ARHGEF2: variants seen among roughly 807,000 people sequenced by gnomAD.
The protein encoded by ARHGEF2 is rho guanine nucleotide exchange factor 2.
ARHGEF2 carries 22 observed loss-of-function variants against 121.0 expected under a neutral mutation model. That is an observed-to-expected ratio of 0.18 (90% CI 0.13 to 0.26). The LOEUF is 0.26. ARHGEF2 is among the 10% of genes least tolerant of loss of function. ARHGEF2 has a pLI of 1.00. For synonymous variants in ARHGEF2, 487 were observed against 530.0 expected, an observed-to-expected ratio of 0.92 and a Z score of 1.11; for missense variants, 907 against 1,336.0, an observed-to-expected ratio of 0.68 and a Z score of 5.01.
chr1:155,960,973 TG>T (rs1488139223), intron 11 of ARHGEF2, among the ~76,000 whole-genome samples: 1 of 152,186 alleles, frequency 6.6e-6, no homozygotes, highest in Admixed American at 6.5e-5. Context: ...TCCCCTCCTC[TG>T]GGCCTCCTCT....
chr1:155,962,424 C>G lies in ARHGEF2; in HGVS notation c.1101+169G>C. On this transcript the variant is annotated intron_variant, in intron 9 of 21. Transcript: ENST00000361247. This position sits in a 1 kb window ranked among gnomAD's most constrained non-coding sequence, Gnocchi z 5.8. ...AAAAGTACTTGGGAAACTACCACAA[C>G]GTGCTCTAGCATTCTGAGGGGTTAC... is the stretch of plus-strand genomic sequence containing the variant. 1.8e-6 allele frequency: 2 copies of G among 1,116,234 alleles called. No homozygotes were observed. The highest frequency in any genetic ancestry group is 2.6e-6 in the Non-Finnish European group (2 of 775,576). 69.1% of individuals were successfully genotyped at this position (1,116,234 alleles called of 1,614,324 possible).
In ARHGEF2 at chr1:155,952,847, T is replaced by C. The variant is rs1462182160; in HGVS notation, c.1784-19A>G. ...AACTCCACTGCAGATAAGGAACAAG[T>C]GAGGACATGAGAGGACGTAGGGGTA... On this transcript the variant is annotated intron_variant, in intron 14 of 21. Coordinates refer to ENST00000361247, the MANE Select transcript of ARHGEF2 (RefSeq NM_001162383.2). 2 of 1,613,496 alleles carry C rather than the reference T, an allele frequency of 1.2e-6. No homozygotes were observed. The highest frequency in any genetic ancestry group is 2.2e-5 in the South Asian group (2 of 91,034).
chr1:155,974,669 G>A (rs1258690924), intron 1 of ARHGEF2, among the ~76,000 whole-genome samples: 1 of 152,132 alleles, frequency 6.6e-6, no homozygotes, highest in African/African-American at 2.4e-5. Context: ...ATAAATGCTT[G>A]CTTAGTGAAT....
At position 155,951,069 on chromosome 1, in the gene ARHGEF2, G is replaced by A; in HGVS notation, c.2463C>T (p.Cys821=). Reference sequence around the variant, plus strand: ...TTGCCCGTTCTTCACCTAGCCGCCGGCAGCGCCGTAGCTCCTCCTGCAGCA... The same window carrying A: ...TTGCCCGTTCTTCACCTAGCCGCCGACAGCGCCGTAGCTCCTCCTGCAGCA... The part of the protein sequence containing the change: ...HALLQEELRR[C]RRLGEERATE... The change falls in exon 20 of 22, where the codon TGC becomes TGT. Residue 821 remains cysteine, a synonymous_variant. Coordinates refer to ENST00000361247, the MANE Select transcript of ARHGEF2 (RefSeq NM_001162383.2). This position sits in a 1 kb window ranked among gnomAD's most constrained non-coding sequence, Gnocchi z 5.1. 1 of 1,600,096 alleles carries A rather than the reference G, an allele frequency of 6.2e-7. No homozygotes were observed. Among genetic ancestry groups the A allele is most frequent in the South Asian group, 1.1e-5 (1 of 89,874 alleles).
At chr1:155,963,221 C>G (rs1229384087) in intron 7 of ARHGEF2, 38 bp from the exon 8 acceptor site, 2 of 1,592,494 alleles carry the variant, frequency 1.3e-6, no homozygotes, top group South Asian at 2.2e-5. Context: ...TCTACCCTGG[C>G]TTGGCTAAAA....
chr1:155,974,887 T>C (rs1263712825), intron 1 of ARHGEF2, among the ~76,000 whole-genome samples: 2 of 151,864 alleles, frequency 1.3e-5, no homozygotes, highest in Non-Finnish European at 2.9e-5. Flanking sequence ...CAGGCATTTG[T>C]GCAAGTGAAC....
chr1:155,967,494 C>T (rs1468285671), intron 2 of ARHGEF2, among the ~76,000 whole-genome samples: 1 of 152,132 alleles, frequency 6.6e-6, no homozygotes, highest in Non-Finnish European at 1.5e-5. Flanking sequence ...GGCCTGAATC[C>T]AAAGGCCGTG....
Position 155,962,495 on chromosome 1 carries a change from C to G in ARHGEF2, c.1101+98G>C. The G allele has an allele frequency of 1.3e-6, 2 of 1,544,226 alleles. No homozygotes were observed. The highest frequency in any genetic ancestry group is 1.8e-6 in the Non-Finnish European group (2 of 1,137,178). ...GGATGGTCTGCACGGGTGGCGAATG[C>G]CTGACCTCCATGTGGGTGCAGCTCA... On this transcript the variant is annotated intron_variant, in intron 9 of 21. Transcript: ENST00000361247. The surrounding 1 kb of genome is among the most constrained non-coding windows in gnomAD (Gnocchi z 5.8).
At position 155,951,624 on chromosome 1, in the gene ARHGEF2, A is replaced by C; in HGVS notation, c.2209-91T>G. The C allele has an allele frequency of 1.2e-6, 2 of 1,606,006 alleles. No homozygotes were observed. The highest frequency in any genetic ancestry group is 1.7e-6 in the Non-Finnish European group (2 of 1,172,808). On this transcript the variant is annotated intron_variant, in intron 18 of 21. Transcript: ENST00000361247. This position sits in a 1 kb window ranked among gnomAD's most constrained non-coding sequence, Gnocchi z 5.1. ...CAAGGGTGGGTGTGGGGACAGTAGG[A>C]TCCGGAGACATACTTGAATGTAGAC... is the stretch of plus-strand genomic sequence containing the variant.
chr1:155,968,882 G>T (rs1572173114), intron 2 of ARHGEF2: 2 of 425,786 alleles, frequency 4.7e-6, no homozygotes, highest in Non-Finnish European at 8.5e-6. Context: ...GGGAGCAAGG[G>T]GGGTGCCTGG....
Position 155,969,032 on chromosome 1 carries a change from T to G in ARHGEF2, c.208+124A>C. 7 of 1,251,192 alleles carry G rather than the reference T, an allele frequency of 5.6e-6. No homozygotes were observed. In the East Asian group the frequency reaches 7.2e-5, roughly 13 times the overall value. The allele number at this position is 1,251,192 out of a possible 1,614,324, so 77.5% of individuals were successfully genotyped here. ...AGGGATCAAGCAACTGGCCCTGGCA[T>G]TTGGGCCCAGCTGGGGATCAGAGAG... On this transcript the variant is annotated intron_variant, in intron 2 of 21. Coordinates refer to ENST00000361247, the MANE Select transcript of ARHGEF2 (RefSeq NM_001162383.2).
At chr1:155,959,690 G>C (rs370751093) in intron 11 of ARHGEF2, among the ~76,000 whole-genome samples, 34 of 152,140 alleles carry the variant, frequency 2.2e-4, no homozygotes, top group African/African-American at 8.0e-4. Context: ...GGCTACAGGT[G>C]AATGCTGCCA....
At chr1:155,958,212 G>T in intron 12 of ARHGEF2, 108 bp downstream of exon 12, 1 of 821,470 alleles carries the variant, frequency 1.2e-6, no homozygotes, top group Non-Finnish European at 2.0e-6. Context: ...AACAATTATA[G>T]CTGTTTGACT....
intron 1 of ARHGEF2, among the ~76,000 whole-genome samples, chr1:155,971,883 T>TAAAAAAA (rs58112413): frequency 7.1e-6 from 1 of 140,404 alleles, no homozygotes; most frequent in African/African-American, 2.6e-5. Context: ...CCCATCTCTA[T>TAAAAAAA]AAAAAAAAAA....
chr1:155,948,524 G>A (rs766222018), intron 21 of ARHGEF2, among the ~76,000 whole-genome samples: 8 of 152,044 alleles, frequency 5.3e-5, no homozygotes, highest in East Asian at 3.9e-4. Context: ...CCAGCTACTC[G>A]GGAGGCTGAG....
Position 155,947,705 on chromosome 1 carries a change from G to A in ARHGEF2, c.*237C>T. ...TAAATAAATTTTCCTAAAGTTGCGG[G>A]AAGAAGGCATGAACCACTGGCATCT... is the stretch of plus-strand genomic sequence containing the variant. On this transcript the variant is annotated 3_prime_UTR_variant, in exon 22 of 22. Coordinates refer to ENST00000361247, the MANE Select transcript of ARHGEF2 (RefSeq NM_001162383.2). 1 of 531,656 alleles carries A rather than the reference G, an allele frequency of 1.9e-6. No homozygotes were observed. The allele number at this position is 531,656 out of a possible 1,614,324, so 32.9% of individuals were successfully genotyped here. A position where few individuals can be genotyped will look rare whatever the true frequency, so the allele number is the denominator to read the frequency against.
Position 155,952,147 on chromosome 1 carries a change from G to A in ARHGEF2, c.2073C>T (p.Ser691=), listed in dbSNP as rs762316330. The A allele has an allele frequency of 2.6e-5, 42 of 1,613,976 alleles. No individual in the cohort carries two copies. Among genetic ancestry groups the A allele is most frequent in the Middle Eastern group, 1.6e-4 (1 of 6,084 alleles). ...TGACCCCAGGACTCGTGTTACCACCGCTGTCTGGTTCCAAGGGCAGGGCTG... is the reference window on the plus strand; with the variant it reads ...TGACCCCAGGACTCGTGTTACCACCACTGTCTGGTTCCAAGGGCAGGGCTG... ...REPALPLEPD[S]GGNTSPGVTA... is the part of the protein sequence containing the mutation. The change falls in exon 16 of 22, where the codon AGC becomes AGT. Residue 691 remains serine, a synonymous_variant. Transcript: ENST00000361247.
In ARHGEF2 at chr1:155,965,453, C is replaced by A. The variant is rs2297649; in HGVS notation, c.471-41G>T. The A allele has an allele frequency of 0.27, 434,461 of 1,603,486 alleles. 66,680 individuals carry two copies. The highest frequency in any genetic ancestry group is 0.78 in the East Asian group (35,017 of 44,760). ...GCTGTCTGCATCACCCCCAGTCGGG[C>A]AAAAGATCCCTTCCCAGGTAGGGAA... On this transcript the variant is annotated intron_variant, in intron 5 of 21. Coordinates refer to ENST00000361247, the MANE Select transcript of ARHGEF2 (RefSeq NM_001162383.2). The surrounding 1 kb of genome is among the most constrained non-coding windows in gnomAD (Gnocchi z 6.0).
At chr1:155,974,000 A>G (rs1459140918) in intron 1 of ARHGEF2, among the ~76,000 whole-genome samples, 1 of 151,708 alleles carries the variant, frequency 6.6e-6, no homozygotes, top group African/African-American at 2.4e-5. Flanking sequence ...AGCTTCTCCA[A>G]GCAAGCCCTA....
Sources: allele counts gnomAD v4.1 joint callset (sites outside exome capture counted in the v4.1 genomes callset), GRCh38; gene constraint gnomAD v4.1.1; non-coding constraint Gnocchi (gnomAD v3.1); transcripts MANE v1.5; gene names NCBI Gene and HGNC (gene_info 2026-07-23, HGNC 2026-07-21).